The following FRMD6 variants were observed in gnomAD, a reference collection of about 807,000 sequenced individuals.
The protein encoded by FRMD6 is FERM domain containing 6.
A neutral mutation model predicts 73.2 loss-of-function variants in FRMD6; 37 were observed. The ratio of observed to expected loss-of-function variants is 0.51; its 90% CI spans 0.39 to 0.66. FRMD6 has a LOEUF of 0.66. FRMD6 is among the 30% of genes least tolerant of loss of function. The probability of loss-of-function intolerance (pLI) is 0.00; values close to 1 mark genes in which losing one functional copy is unlikely to be tolerated. For missense variants in FRMD6, 714 were observed against 780.5 expected, an observed-to-expected ratio of 0.91 and a Z score of 1.02; for synonymous variants, 273 against 282.2, an observed-to-expected ratio of 0.97 and a Z score of 0.33.
chr14:51,570,076 A>G (rs930000429), intron 1 of FRMD6, among the ~76,000 whole-genome samples: 1 of 151,988 alleles, frequency 6.6e-6, no homozygotes, highest in Non-Finnish European at 1.5e-5. Context: ...TGGCCTCCCA[A>G]AGTGCTGGGA....
At chr14:51,500,908 G>A (rs143118841) in intron 1 of FRMD6, among the ~76,000 whole-genome samples, 49 of 152,294 alleles carry the variant, frequency 3.2e-4, no homozygotes, top group East Asian at 1.5e-3. Context: ...TCTCAAAAAT[G>A]TTGGCCTAAA....
At chr14:51,692,464 G>A (rs548747598) in intron 2 of FRMD6, among the ~76,000 whole-genome samples, 69 of 96,994 alleles carry the variant, frequency 7.1e-4, no homozygotes, top group East Asian at 4.5e-3. Context: ...GTCTTTTTAC[G>A]TGGTGCAATG....
the FRMD6 span, among the ~76,000 whole-genome samples, chr14:51,409,423 G>T: frequency 7.0e-6 from 1 of 143,480 alleles, no homozygotes; most frequent in Admixed American, 7.2e-5. Flanking sequence ...ATGCTGAAAG[G>T]TCTTTCATTC....
intron 2 of FRMD6, among the ~76,000 whole-genome samples, chr14:51,589,503 C>A (rs1889252760): frequency 1.3e-5 from 2 of 151,996 alleles, no homozygotes; most frequent in Non-Finnish European, 2.9e-5. Context: ...GAGAACAGAG[C>A]CCCATCTGCT....
chr14:51,422,771 G>GCCA, the FRMD6 span, among the ~76,000 whole-genome samples: 2 of 152,316 alleles, frequency 1.3e-5, no homozygotes, highest in East Asian at 1.9e-4. Context: ...ATGGTGCACA[G>GCCA]GTGGGTCAAC....
At chr14:51,592,971 T>C (rs1429258131) in intron 2 of FRMD6, among the ~76,000 whole-genome samples, 1 of 152,256 alleles carries the variant, frequency 6.6e-6, no homozygotes, top group Non-Finnish European at 1.5e-5. Flanking sequence ...CTTCCCTATC[T>C]GAGTCAGCTC....
intron 2 of FRMD6, among the ~76,000 whole-genome samples, chr14:51,694,223 G>A (rs1381082192): frequency 6.6e-6 from 1 of 152,152 alleles, no homozygotes; most frequent in African/African-American, 2.4e-5. Flanking sequence ...AATTTTGGAA[G>A]TAAAACCATT....
At chr14:51,427,435 A>G in the FRMD6 span, among the ~76,000 whole-genome samples, 1 of 152,262 alleles carries the variant, frequency 6.6e-6, no homozygotes, top group African/African-American at 2.4e-5. Flanking sequence ...TAAATTATGA[A>G]TGTATGAAGA....
At chr14:51,604,630 G>T (rs1363941535) in intron 2 of FRMD6, among the ~76,000 whole-genome samples, 2 of 152,108 alleles carry the variant, frequency 1.3e-5, no homozygotes, top group South Asian at 4.2e-4. Flanking sequence ...TGAAGAGAAA[G>T]TTCTATGGCC....
chr14:51,543,634 G>A (rs1028897930), intron 1 of FRMD6, among the ~76,000 whole-genome samples: 12 of 151,952 alleles, frequency 7.9e-5, no homozygotes, highest in Non-Finnish European at 1.6e-4. Flanking sequence ...CCATCTTGCA[G>A]GACACAAGAA....
the FRMD6 span, among the ~76,000 whole-genome samples, chr14:51,445,161 G>T: frequency 2.6e-5 from 4 of 152,286 alleles, no homozygotes; most frequent in South Asian, 8.3e-4. Context: ...ATTGCCTGAA[G>T]CAGCAAGAGA....
intron 1 of FRMD6, among the ~76,000 whole-genome samples, chr14:51,559,206 C>T (rs1157027174): frequency 6.6e-6 from 1 of 152,206 alleles, no homozygotes; most frequent in Non-Finnish European, 1.5e-5. Flanking sequence ...TATACTAACT[C>T]TCACTCAGAA....
chr14:51,409,079 T>A, the FRMD6 span, among the ~76,000 whole-genome samples: 1 of 152,188 alleles, frequency 6.6e-6, no homozygotes, highest in East Asian at 1.9e-4. Context: ...AGACAGTTTT[T>A]CTCACATTTC....
intron 1 of FRMD6, among the ~76,000 whole-genome samples, chr14:51,519,459 G>A (rs1310085978): frequency 6.6e-6 from 1 of 152,080 alleles, no homozygotes; most frequent in African/African-American, 2.4e-5. Context: ...CCACATTTTA[G>A]CAAACATTTT....
At chr14:51,661,270 A>G (rs933242556) in intron 1 of FRMD6, among the ~76,000 whole-genome samples, 2 of 152,206 alleles carry the variant, frequency 1.3e-5, no homozygotes, top group African/African-American at 4.8e-5. Flanking sequence ...GCCTTGGGGC[A>G]TATCAGTATT....
chr14:51,671,330 A>G (rs1429301036), intron 1 of FRMD6, among the ~76,000 whole-genome samples: 1 of 152,134 alleles, frequency 6.6e-6, no homozygotes, highest in Non-Finnish European at 1.5e-5. Context: ...TTTTTATTTG[A>G]ACATTGATAG....
the FRMD6 span, among the ~76,000 whole-genome samples, chr14:51,403,223 T>C: frequency 6.6e-6 from 1 of 152,222 alleles, no homozygotes; most frequent in East Asian, 1.9e-4. Flanking sequence ...TAGGACTCTG[T>C]GGGCTCTTCC....
At chr14:51,672,608 G>A (rs1393762150) in intron 1 of FRMD6, among the ~76,000 whole-genome samples, 1 of 152,046 alleles carries the variant, frequency 6.6e-6, no homozygotes, top group Non-Finnish European at 1.5e-5. Flanking sequence ...TGACCTTTTG[G>A]AGCTTATGGT....
intron 1 of FRMD6, among the ~76,000 whole-genome samples, chr14:51,498,185 T>C (rs1883410621): frequency 6.6e-6 from 1 of 152,236 alleles, no homozygotes; most frequent in South Asian, 2.1e-4. Context: ...TATTTTAGCA[T>C]TTTGTGTAGA....
Sources: gnomAD v4.1 joint callset for allele counts (sites outside exome capture counted in the v4.1 genomes callset) on GRCh38, gnomAD v4.1.1 for gene constraint, MANE v1.5 for transcripts, NCBI Gene and HGNC (gene_info 2026-07-23, HGNC 2026-07-21) for gene names.